Variants in LDLRAD3 observed in about 807,000 individuals in gnomAD.
LDLRAD3 encodes low-density lipoprotein receptor class A domain-containing protein 3.
LDLRAD3 carries 20 observed loss-of-function variants against 29.4 expected under a neutral mutation model. The ratio of observed to expected loss-of-function variants is 0.68; its 90% CI spans 0.48 to 0.99. LDLRAD3 has a LOEUF of 0.99. LDLRAD3 is among the 50% of genes least tolerant of loss of function. The pLI is 0.00. For missense variants in LDLRAD3, 420 were observed against 454.3 expected (o/e 0.92, Z 0.69); for synonymous variants, 157 against 192.7 (o/e 0.81, Z 1.53).
intron 4 of LDLRAD3, chr11:36,102,014 G>A (rs1296182319): frequency 9.6e-5 from 19 of 197,492 alleles, no homozygotes; most frequent in South Asian, 9.1e-4. Flanking sequence ...TCAGCCTCCC[G>A]AGTAGCTGGA....
chr11:36,015,751 G>A (rs999881076), intron 1 of LDLRAD3, among the ~76,000 whole-genome samples: 56 of 151,784 alleles, frequency 3.7e-4, no homozygotes, highest in African/African-American at 1.1e-3. Context: ...TTTACTCCAC[G>A]TTAAAAAGAT....
At chr11:36,001,653 G>T (rs1030395197) in intron 1 of LDLRAD3, among the ~76,000 whole-genome samples, 2 of 151,798 alleles carry the variant, frequency 1.3e-5, no homozygotes, top group East Asian at 3.9e-4. Flanking sequence ...TGTTTTTATT[G>T]TTCTTTGTTT....
At chr11:36,166,669 A>G (rs958327829) in intron 4 of LDLRAD3, among the ~76,000 whole-genome samples, 2 of 152,160 alleles carry the variant, frequency 1.3e-5, no homozygotes, top group Admixed American at 6.5e-5. Flanking sequence ...GACTTTTACA[A>G]TGTCTAGACT....
intron 4 of LDLRAD3, among the ~76,000 whole-genome samples, chr11:36,184,963 C>T (rs538582863): frequency 6.6e-6 from 1 of 152,234 alleles, no homozygotes; most frequent in African/African-American, 2.4e-5. Flanking sequence ...AGAAAATTTG[C>T]CTCAATTTTC....
intron 1 of LDLRAD3, among the ~76,000 whole-genome samples, chr11:35,987,964 C>A (rs140789259): frequency 6.6e-6 from 1 of 152,148 alleles, no homozygotes; most frequent in South Asian, 2.1e-4. Context: ...GTCATTCTGA[C>A]GGGTATGAGA....
intron 2 of LDLRAD3, among the ~76,000 whole-genome samples, chr11:36,079,326 C>T (rs951193165): frequency 2.8e-4 from 42 of 152,048 alleles, no homozygotes; most frequent in African/African-American, 1.0e-3. Context: ...TTCTGTCAGC[C>T]CAAGGATCAG....
chr11:36,134,683 A>T (rs1366078972), intron 4 of LDLRAD3, among the ~76,000 whole-genome samples: 2 of 152,356 alleles, frequency 1.3e-5, no homozygotes, highest in African/African-American at 4.8e-5. Flanking sequence ...CACATTGGGC[A>T]TCTGTTACGG....
chr11:36,166,276 T>G lies in LDLRAD3; in HGVS notation c.455-60809T>G, dbSNP rs115786429. On this transcript the variant is annotated intron_variant, in intron 4 of 5. Transcript: ENST00000315571. ...AAACATTGCTCCATGTCAACATGAGTTACAGTGGGAGCCTAGAGCAAGACA... is the reference window on the plus strand; with the variant it reads ...AAACATTGCTCCATGTCAACATGAGGTACAGTGGGAGCCTAGAGCAAGACA... Among the ~76,000 whole-genome samples the G allele has an allele frequency of 6.1e-3, 934 of 152,156 alleles. 7 individuals carry two copies. The highest frequency in any genetic ancestry group is 0.021 in the African/African-American group (883 of 41,512).
rs138012141 is a variant in LDLRAD3 at position 36,059,389 on chromosome 11, C to T, written c.194-22264C>T. ...AAAAAAAAAAAGATAAGGTCACTCC[C>T]CTGTAATGACTTCTCATCACAGCTA... is the stretch of plus-strand genomic sequence containing the variant. On this transcript the variant is annotated intron_variant, in intron 2 of 5. Transcript: ENST00000315571. Among the ~76,000 whole-genome samples the T allele has an allele frequency of 1.1e-3, 170 of 152,056 alleles. 1 individual carries two copies. Among genetic ancestry groups the T allele is most frequent in the African/African-American group, 4.0e-3 (167 of 41,476 alleles).
chr11:36,060,534 A>T (rs1219035325), intron 2 of LDLRAD3, among the ~76,000 whole-genome samples: 1 of 140,100 alleles, frequency 7.1e-6, no homozygotes, highest in Non-Finnish European at 1.6e-5. Flanking sequence ...ATGAATTCAC[A>T]CTCATCCTTC....
chr11:36,139,123 GT>G (rs1171586829), intron 4 of LDLRAD3, among the ~76,000 whole-genome samples: 2 of 152,140 alleles, frequency 1.3e-5, no homozygotes, highest in African/African-American at 4.8e-5. Flanking sequence ...GATACTGCTG[GT>G]CTTTTGGACT....
intron 1 of LDLRAD3, among the ~76,000 whole-genome samples, chr11:36,013,094 A>G (rs528449313): frequency 1.3e-5 from 2 of 152,208 alleles, no homozygotes; most frequent in Non-Finnish European, 2.9e-5. Context: ...CAACCTGAGA[A>G]ATATTTTGTT....
chr11:36,027,862 A>G lies in LDLRAD3; in HGVS notation c.47-8241A>G, dbSNP rs1257365038. 2.0e-5 allele frequency among the ~76,000 whole-genome samples: 3 copies of G among 151,914 alleles called. No individual in the cohort carries two copies. The East Asian group carries it at 5.9e-4, about 30-fold the overall frequency. ...CATAAGCCCTGGCTTATCACAAGCC[A>G]GATAAAATTGGTCGTAAAGTTGTCT... On this transcript the variant is annotated intron_variant, in intron 1 of 5. Transcript: ENST00000315571.
intron 1 of LDLRAD3, among the ~76,000 whole-genome samples, chr11:35,974,840 G>T (rs1380387188): frequency 1.3e-5 from 2 of 152,214 alleles, no homozygotes; most frequent in Non-Finnish European, 2.9e-5. Flanking sequence ...TCACACAAGG[G>T]CATGATGCCA....
intron 1 of LDLRAD3, among the ~76,000 whole-genome samples, chr11:35,971,716 A>G (rs1463873104): frequency 6.6e-6 from 1 of 152,180 alleles, no homozygotes; most frequent in Non-Finnish European, 1.5e-5. Context: ...AACCAAAAAG[A>G]TGAATTGAGC....
intron 2 of LDLRAD3, among the ~76,000 whole-genome samples, chr11:36,056,247 C>A (rs186666985): frequency 1.3e-5 from 2 of 152,104 alleles, no homozygotes; most frequent in African/African-American, 4.8e-5. Context: ...CCCGCCGCGG[C>A]CTCCCAAAGT....
At chr11:35,996,294 G>A (rs942004320) in intron 1 of LDLRAD3, among the ~76,000 whole-genome samples, 24 of 152,152 alleles carry the variant, frequency 1.6e-4, no homozygotes, top group African/African-American at 5.8e-4. Flanking sequence ...GAGGCCCGAG[G>A]AGAGGTAAAG....
chr11:36,006,316 C>T (rs1442302106), intron 1 of LDLRAD3, among the ~76,000 whole-genome samples: 48 of 152,206 alleles, frequency 3.2e-4, no homozygotes, highest in Non-Finnish European at 1.5e-5. Context: ...GGCTTTTCTA[C>T]TCATTAGCTG....
intron 4 of LDLRAD3, among the ~76,000 whole-genome samples, chr11:36,141,237 T>A (rs1004900452): frequency 6.6e-6 from 1 of 151,964 alleles, no homozygotes; most frequent in Admixed American, 6.6e-5. Context: ...ACCTATCGAG[T>A]TTTTCTTTGG....
Sources: allele counts gnomAD v4.1 joint callset (sites outside exome capture counted in the v4.1 genomes callset), GRCh38; gene constraint gnomAD v4.1.1; transcripts MANE v1.5; gene names NCBI Gene and HGNC (gene_info 2026-07-23, HGNC 2026-07-21).